Variants in PCLO observed in about 807,000 individuals in gnomAD.
PCLO encodes piccolo presynaptic cytomatrix protein, also known as protein piccolo.
A neutral mutation model predicts 427.5 loss-of-function variants in PCLO; 82 were observed. The ratio of observed to expected loss-of-function variants is 0.19; its 90% CI spans 0.16 to 0.23. The LOEUF (loss-of-function observed/expected upper bound fraction) is 0.23, where lower values mean the gene tolerates loss of function less well. Ranked by LOEUF, PCLO falls within the 10% of genes least tolerant of loss-of-function variation. The probability of loss-of-function intolerance (pLI) is 1.00; values close to 1 mark genes in which losing one functional copy is unlikely to be tolerated. For missense variants in PCLO, 6,239 were observed against 6,115.9 expected, an observed-to-expected ratio of 1.02 and a Z score of -0.67; for synonymous variants, 2,357 against 2,155.4, an observed-to-expected ratio of 1.09 and a Z score of -2.59.
intron 3 of PCLO, among the ~76,000 whole-genome samples, chr7:83,001,171 T>C (rs1787814299): frequency 6.6e-6 from 1 of 151,980 alleles, no homozygotes; most frequent in African/African-American, 2.4e-5. Context: ...TTATTTCCTC[T>C]CAATTTTAAT....
chr7:82,798,779 G>C (rs1791281462), intron 22 of PCLO, among the ~76,000 whole-genome samples: 1 of 152,070 alleles, frequency 6.6e-6, no homozygotes, highest in South Asian at 2.1e-4. Flanking sequence ...AATGTTAATA[G>C]CAACTCAGTG....
intron 4 of PCLO, among the ~76,000 whole-genome samples, chr7:82,958,221 TTCTGA>T (rs1795573419): frequency 6.6e-6 from 1 of 152,118 alleles, no homozygotes; most frequent in Non-Finnish European, 1.5e-5. Flanking sequence ...GCATGAGCTC[TTCTGA>T]TCTAACTATG....
chr7:82,789,851 C>T (rs1041575467), intron 22 of PCLO, among the ~76,000 whole-genome samples: 8 of 152,154 alleles, frequency 5.3e-5, no homozygotes, highest in African/African-American at 1.4e-4. Context: ...TCATCATGTT[C>T]GAACAGTTTC....
intron 10 of PCLO, among the ~76,000 whole-genome samples, chr7:82,855,312 T>G (rs1382403260): frequency 6.6e-6 from 1 of 152,144 alleles, no homozygotes; most frequent in African/African-American, 2.4e-5. Flanking sequence ...TAAGAGGTGA[T>G]ATAACTTGTC....
chr7:82,978,853 C>A (rs764097481), intron 3 of PCLO, among the ~76,000 whole-genome samples: 3,011 of 90,420 alleles, frequency 0.033, 82 homozygotes, highest in African/African-American at 0.14. Context: ...CACACACACA[C>A]ACAAACACAC....
At chr7:82,977,686 T>A (rs1034786137) in intron 3 of PCLO, among the ~76,000 whole-genome samples, 2 of 152,128 alleles carry the variant, frequency 1.3e-5, no homozygotes, top group African/African-American at 2.4e-5. Flanking sequence ...AGTGCTGGGA[T>A]TACAGGCGTG....
intron 10 of PCLO, among the ~76,000 whole-genome samples, chr7:82,857,841 T>A (rs1022028741): frequency 6.6e-6 from 1 of 152,160 alleles, no homozygotes; most frequent in Non-Finnish European, 1.5e-5. Flanking sequence ...AGAGAGGTTT[T>A]ATCACAACCC....
At chr7:82,882,853 T>C (rs1012222091) in intron 9 of PCLO, among the ~76,000 whole-genome samples, 1 of 152,120 alleles carries the variant, frequency 6.6e-6, no homozygotes, top group African/African-American at 2.4e-5. Context: ...CATTTGCATT[T>C]AAATTTACAG....
chr7:82,835,574 A>AT, intron 16 of PCLO, 93 bp downstream of exon 16: 1 of 854,244 alleles, frequency 1.2e-6, no homozygotes, highest in Non-Finnish European at 1.9e-6. Context: ...GTTACAGCCC[A>AT]TGTTGAAGTG....
chr7:82,884,984 C>A lies in PCLO; in HGVS notation c.13529-5522G>T, dbSNP rs552179249. ...TCTAATTCAAAATTAAATATAGTGT[C>A]TTTTGTTGGATTTCTTGACTTAATA... On this transcript the variant is annotated intron_variant, in intron 9 of 24. Coordinates refer to ENST00000333891, the MANE Select transcript of PCLO (RefSeq NM_033026.6). Among the ~76,000 whole-genome samples, 6 of 152,060 alleles carry A rather than the reference C, an allele frequency of 3.9e-5. No homozygotes were observed. The South Asian group carries it at 1.2e-3, about 32-fold the overall frequency.
chr7:82,944,007 C>T (rs867276067), intron 6 of PCLO, among the ~76,000 whole-genome samples: 60 of 151,406 alleles, frequency 4.0e-4, no homozygotes, highest in Middle Eastern at 3.4e-3. Flanking sequence ...ATTAGCTGGG[C>T]GGGGTGGCAA....
At chr7:82,940,755 C>CTTTTTTTTTTTTTTT (rs71531190) in intron 6 of PCLO, among the ~76,000 whole-genome samples, 3 of 109,138 alleles carry the variant, frequency 2.7e-5, no homozygotes, top group Non-Finnish European at 3.6e-5. Context: ...TTTTTTCTTT[C>CTTTTTTTTTTTTTTT]TTTTTTTTTT....
intron 6 of PCLO, among the ~76,000 whole-genome samples, chr7:82,925,858 G>C (rs1014717846): frequency 1.3e-5 from 2 of 151,416 alleles, no homozygotes; most frequent in Non-Finnish European, 2.9e-5. Flanking sequence ...TGGGACTCCA[G>C]GTGTGCACCA....
intron 5 of PCLO, 57 bp downstream of exon 5, chr7:82,951,799 G>C: frequency 5.9e-6 from 9 of 1,535,268 alleles, no homozygotes; most frequent in Non-Finnish European, 7.8e-6. Context: ...CCTGAAATGA[G>C]ATGAGGAACA....
At position 83,038,007 on chromosome 7, in the gene PCLO, A is replaced by ATATATATATG. The variant is rs1554382327; in HGVS notation, c.3301-71521_3301-71520insCATATATATA. Among the ~76,000 whole-genome samples the ATATATATATG allele has an allele frequency of 7.2e-5, 3 of 41,946 alleles. 1 individual carries two copies. The highest frequency in any genetic ancestry group is 1.1e-4 in the Non-Finnish European group (3 of 26,934). The allele number at this position is 41,946 out of a possible 152,430, so 27.5% of individuals were successfully genotyped here. On this transcript the variant is annotated intron_variant, in intron 3 of 24. Transcript: ENST00000333891. ...GAGGAGCTTATATATATATATATAT[A>ATATATATATG]TATATATATATATATATATATATTT...
chr7:82,796,734 C>A (rs1254629837), intron 22 of PCLO, among the ~76,000 whole-genome samples: 2 of 149,502 alleles, frequency 1.3e-5, no homozygotes, highest in Non-Finnish European at 3.0e-5. Flanking sequence ...CAGTCACCAA[C>A]CAATCTGAAT....
chr7:83,109,022 A>G (rs888627715), intron 3 of PCLO, among the ~76,000 whole-genome samples: 17 of 135,986 alleles, frequency 1.3e-4, no homozygotes, highest in African/African-American at 2.0e-4. Flanking sequence ...TTGGACTCTT[A>G]CCTAATTTTC....
Position 83,135,145 on chromosome 7 carries a change from G to A in PCLO, c.2405C>T (p.Pro802Leu), listed in dbSNP as rs1049046453. ...TPPLKTDSAK[P>L]SQSFPPTGEK... ...CCCTGTTGGTGGAAAACTCTGTGAG[G>A]GTTTGGCAGAGTCTGTTTTTAGAGG... Residue 802 changes from proline (P) to leucine (L), a missense_variant, in exon 3 of 25, where the codon CCC becomes CTC. Physicochemically the swap from Pro to Leu is moderately conservative, Grantham distance 98. Coordinates refer to ENST00000333891, the MANE Select transcript of PCLO (RefSeq NM_033026.6). 6.6e-5 allele frequency: 106 copies of A among 1,613,800 alleles called. No homozygotes were observed. Among genetic ancestry groups the A allele is most frequent in the Non-Finnish European group, 8.5e-5 (100 of 1,179,894 alleles).
intron 6 of PCLO, among the ~76,000 whole-genome samples, chr7:82,925,713 CTTTT>C (rs34017885): frequency 2.5e-5 from 2 of 78,986 alleles, no homozygotes; most frequent in Non-Finnish European, 4.7e-5. Flanking sequence ...ATTTTTGTTG[CTTTT>C]TTTTTTTTTT....
Sources: gnomAD v4.1 joint callset for allele counts (sites outside exome capture counted in the v4.1 genomes callset) on GRCh38, gnomAD v4.1.1 for gene constraint, MANE v1.5 for transcripts, NCBI Gene and HGNC (gene_info 2026-07-23, HGNC 2026-07-21) for gene names.